The following B3GALT1 variants were observed in gnomAD, a reference collection of about 807,000 sequenced individuals.
B3GALT1 encodes UDP-Gal:betaGlcNAc beta 1,3-galactosyltransferase, polypeptide 1.
Under a neutral mutation model 23.2 loss-of-function variants are expected in B3GALT1, and 10 were observed. The observed-to-expected ratio is 0.43, with a 90% CI of 0.27 to 0.73. The LOEUF (loss-of-function observed/expected upper bound fraction) is 0.73. Among genes scored for constraint, B3GALT1 ranks in the 30% least tolerant of loss-of-function variants. B3GALT1 has a pLI of 0.21. For synonymous variants in B3GALT1, 156 were observed against 141.5 expected (o/e 1.10, Z -0.73); for missense variants, 299 against 405.4 (o/e 0.74, Z 2.25).
chr2:167,564,034 C>G (rs1465169085), intron 2 of B3GALT1, among the ~76,000 whole-genome samples: 1 of 149,684 alleles, frequency 6.7e-6, no homozygotes, highest in Admixed American at 6.6e-5. Context: ...GACGAGGTGG[C>G]TGCTGGGAGG....
intron 2 of B3GALT1, among the ~76,000 whole-genome samples, chr2:167,521,353 C>T (rs1442383823): frequency 2.0e-5 from 3 of 151,996 alleles, no homozygotes; most frequent in Non-Finnish European, 4.4e-5. Context: ...CTTGAAGATC[C>T]CTTTTACAGG....
At chr2:167,682,866 A>G (rs1686557122) in intron 3 of B3GALT1, among the ~76,000 whole-genome samples, 1 of 152,234 alleles carries the variant, frequency 6.6e-6, no homozygotes, top group African/African-American at 2.4e-5. Flanking sequence ...TGTATACTCA[A>G]AGTAACTGTC....
intron 4 of B3GALT1, among the ~76,000 whole-genome samples, chr2:167,848,649 GA>G (rs1277538252): frequency 6.6e-6 from 1 of 152,124 alleles, no homozygotes; most frequent in Non-Finnish European, 1.5e-5. Flanking sequence ...ACTGAATGGG[GA>G]AAAGTTGAAA....
chr2:167,499,361 G>T (rs943222356), intron 2 of B3GALT1, among the ~76,000 whole-genome samples: 1 of 151,992 alleles, frequency 6.6e-6, no homozygotes. Flanking sequence ...TTTTTTAAAA[G>T]ATAGCACTAT....
At chr2:167,309,926 A>G (rs1202528273) in intron 1 of B3GALT1, among the ~76,000 whole-genome samples, 3 of 152,136 alleles carry the variant, frequency 2.0e-5, no homozygotes, top group Non-Finnish European at 4.4e-5. Context: ...TGGATACTGC[A>G]TGCATGCAGT....
intron 1 of B3GALT1, among the ~76,000 whole-genome samples, chr2:167,385,358 G>A (rs114732185): frequency 2.8e-3 from 429 of 152,216 alleles, no homozygotes; most frequent in African/African-American, 9.7e-3. Flanking sequence ...TAGCACTTTA[G>A]TGTAACTGTA....
At chr2:167,573,179 T>C (rs1005556200) in intron 2 of B3GALT1, among the ~76,000 whole-genome samples, 1 of 151,758 alleles carries the variant, frequency 6.6e-6, no homozygotes, top group African/African-American at 2.4e-5. Flanking sequence ...AGATTTCTTC[T>C]GAAAATAATT....
intron 2 of B3GALT1, among the ~76,000 whole-genome samples, chr2:167,493,096 G>A (rs1275262001): frequency 6.6e-6 from 1 of 152,102 alleles, no homozygotes; most frequent in Non-Finnish European, 1.5e-5. Flanking sequence ...GAACTACAGT[G>A]TTACATATGA....
intron 3 of B3GALT1, among the ~76,000 whole-genome samples, chr2:167,807,848 G>C (rs1041304898): frequency 2.6e-5 from 4 of 152,206 alleles, no homozygotes; most frequent in Admixed American, 2.0e-4. Flanking sequence ...GTGCAGAGCT[G>C]AGTTCAATTC....
At chr2:167,606,691 A>T (rs1250174249) in intron 2 of B3GALT1, among the ~76,000 whole-genome samples, 2 of 152,216 alleles carry the variant, frequency 1.3e-5, no homozygotes, top group South Asian at 4.1e-4. Flanking sequence ...TAGTTTAGCC[A>T]GAGAAGAAAA....
intron 3 of B3GALT1, among the ~76,000 whole-genome samples, chr2:167,797,733 G>A (rs1362975850): frequency 6.6e-6 from 1 of 152,022 alleles, no homozygotes; most frequent in Non-Finnish European, 1.5e-5. Context: ...TTTTGAGATA[G>A]AGTCTTGCTC....
intron 3 of B3GALT1, among the ~76,000 whole-genome samples, chr2:167,782,279 C>A (rs147135499): frequency 6.6e-6 from 1 of 152,096 alleles, no homozygotes; most frequent in Admixed American, 6.6e-5. Flanking sequence ...TGAAGAGGAA[C>A]GGCGATGCCC....
intron 2 of B3GALT1, among the ~76,000 whole-genome samples, chr2:167,535,874 A>G (rs74510093): frequency 2.6e-5 from 4 of 152,088 alleles, no homozygotes; most frequent in African/African-American, 9.7e-5. Flanking sequence ...AAAGTGTCTT[A>G]TTCAACAAAA....
At chr2:167,387,240 A>G (rs1697943025) in intron 1 of B3GALT1, among the ~76,000 whole-genome samples, 1 of 152,254 alleles carries the variant, frequency 6.6e-6, no homozygotes, top group Non-Finnish European at 1.5e-5. Flanking sequence ...TAGAATAAAT[A>G]GAAAAATACA....
rs149841351 is a variant in B3GALT1 at position 167,474,455 on chromosome 2, G to A, written c.-510-15722G>A. Among the ~76,000 whole-genome samples, 174 of 152,222 alleles carry A rather than the reference G, an allele frequency of 1.1e-3. 1 individual carries two copies. In the Middle Eastern group the frequency reaches 0.037, roughly 33 times the overall value. ...TCACTTCATTCCTGTGAAACGGGTT[G>A]TATTGTCTCTGGTCTGTATTGTTAC... On this transcript the variant is annotated intron_variant, in intron 1 of 4. Transcript: ENST00000392690.
chr2:167,589,140 CT>C (rs1446552812), intron 2 of B3GALT1, among the ~76,000 whole-genome samples: 3 of 152,142 alleles, frequency 2.0e-5, no homozygotes, highest in African/African-American at 7.2e-5. Context: ...GAGATAGGGT[CT>C]CCTTATATTG....
intron 2 of B3GALT1, among the ~76,000 whole-genome samples, chr2:167,589,902 C>T (rs578245200): frequency 6.6e-6 from 1 of 152,252 alleles, no homozygotes; most frequent in South Asian, 2.1e-4. Flanking sequence ...TCTCCAGTGA[C>T]TCTAGAGGGC....
At chr2:167,513,182 A>G (rs1031140992) in intron 2 of B3GALT1, among the ~76,000 whole-genome samples, 3 of 151,800 alleles carry the variant, frequency 2.0e-5, no homozygotes. Flanking sequence ...GTCATCAGCC[A>G]TGTATAAAAT....
In B3GALT1 at chr2:167,669,174, T is replaced by C. The variant is rs115577769; in HGVS notation, c.-352+22208T>C. Among the ~76,000 whole-genome samples, 632 of 152,342 alleles carry C rather than the reference T, an allele frequency of 4.1e-3. 5 individuals carry two copies. Among genetic ancestry groups the C allele is most frequent in the African/African-American group, 0.015 (612 of 41,560 alleles). On this transcript the variant is annotated intron_variant, in intron 3 of 4. Transcript: ENST00000392690. ...CAGAATTGAATGAAGACATACTTTT[T>C]ACTGTTTTTTTCTCCTCTTATGTCA...
Sources: gnomAD v4.1 joint callset for allele counts (sites outside exome capture counted in the v4.1 genomes callset) on GRCh38, gnomAD v4.1.1 for gene constraint, MANE v1.5 for transcripts, NCBI Gene and HGNC (gene_info 2026-07-23, HGNC 2026-07-21) for gene names.